EPHA3: variants seen among roughly 807,000 people sequenced by gnomAD.
EPHA3 encodes the protein ephrin type-A receptor 3.
A neutral mutation model predicts 107.1 loss-of-function variants in EPHA3; 42 were observed. The observed-to-expected ratio is 0.39, with a 90% CI of 0.31 to 0.51. EPHA3 has a LOEUF of 0.51. Ranked by LOEUF, EPHA3 falls within the 20% of genes least tolerant of loss-of-function variation. The probability of loss-of-function intolerance (pLI) is 0.78; values close to 1 mark genes in which losing one functional copy is unlikely to be tolerated. For missense variants in EPHA3, 1,183 were observed against 1,211.2 expected (o/e 0.98, Z 0.35); for synonymous variants, 461 against 424.8 (o/e 1.09, Z -1.05).
chr3:89,200,767 C>A (rs1163758534), intron 2 of EPHA3, among the ~76,000 whole-genome samples: 1 of 152,182 alleles, frequency 6.6e-6, no homozygotes, highest in African/African-American at 2.4e-5. Flanking sequence ...GTCCCCATGG[C>A]TGCATGAGTT....
Position 89,171,356 on chromosome 3 carries a change from A to T in EPHA3, c.154-38504A>T, listed in dbSNP as rs1705204832. 3.9e-5 allele frequency among the ~76,000 whole-genome samples: 6 copies of T among 152,328 alleles called. No individual in the cohort carries two copies. In the South Asian group the frequency reaches 1.2e-3, roughly 32 times the overall value. On this transcript the variant is annotated intron_variant, in intron 2 of 16. Coordinates refer to ENST00000336596, the MANE Select transcript of EPHA3 (RefSeq NM_005233.6). ...AACAATAATGTCTCAAATTGATTGA[A>T]TATCACTAATCGGTTCTAAAGAAGG...
chr3:89,341,145 GT>G, intron 4 of EPHA3, 74 bp downstream of exon 4: 2 of 1,470,782 alleles, frequency 1.4e-6, no homozygotes, highest in South Asian at 2.7e-5. Flanking sequence ...GTTTGTTTTT[GT>G]TTTAAAGCAT....
intron 1 of EPHA3, among the ~76,000 whole-genome samples, chr3:89,116,092 G>A (rs1707247284): frequency 6.6e-6 from 1 of 152,096 alleles, no homozygotes; most frequent in South Asian, 2.1e-4. Flanking sequence ...CTAAGTTAAA[G>A]GAATTTGTTG....
intron 2 of EPHA3, among the ~76,000 whole-genome samples, chr3:89,144,822 T>C (rs773362156): frequency 2.0e-4 from 30 of 151,706 alleles, no homozygotes; most frequent in Non-Finnish European, 3.2e-4. Context: ...ATTATTAAAC[T>C]TTGGGTGTTT....
intron 3 of EPHA3, among the ~76,000 whole-genome samples, chr3:89,326,090 T>A (rs1022480663): frequency 4.0e-5 from 6 of 151,178 alleles, no homozygotes; most frequent in African/African-American, 1.5e-4. Context: ...ATTATGATGA[T>A]CATTAATTAT....
At chr3:89,208,353 G>A (rs1439934631) in intron 2 of EPHA3, among the ~76,000 whole-genome samples, 3 of 131,854 alleles carry the variant, frequency 2.3e-5, no homozygotes, top group South Asian at 2.6e-4. Context: ...CTGGGCGACA[G>A]GAGCAAGACT....
rs148582266 is a variant in EPHA3, at chr3:89,303,750, A to C, written c.815-37166A>C. On this transcript the variant is annotated intron_variant, in intron 3 of 16. Coordinates refer to ENST00000336596, the MANE Select transcript of EPHA3 (RefSeq NM_005233.6). ...TAGAATTTTTTAAAATAAAGCAACTATTTTTTATGACATGAAGAAATGGAA... is the reference window on the plus strand; with the variant it reads ...TAGAATTTTTTAAAATAAAGCAACTCTTTTTTATGACATGAAGAAATGGAA... Among the ~76,000 whole-genome samples, 973 of 152,254 alleles carry C rather than the reference A, an allele frequency of 6.4e-3. 11 individuals are homozygous for C. The highest frequency in any genetic ancestry group is 0.023 in the African/African-American group (943 of 41,554).
rs192524279 is a variant in EPHA3, at chr3:89,366,505, C to T, written c.1306+24415C>T. 5.1e-4 allele frequency among the ~76,000 whole-genome samples: 77 copies of T among 150,892 alleles called. 1 individual carries two copies. The East Asian group carries it at 0.014, about 28-fold the overall frequency. On this transcript the variant is annotated intron_variant, in intron 5 of 16. Transcript: ENST00000336596. ...GTTGTACAAAGTAAGCAATTGACCA[C>T]TAAGATCTGATTCTTGAGAAAGATC...
At chr3:89,272,464 G>C (rs975148618) in intron 3 of EPHA3, among the ~76,000 whole-genome samples, 2 of 151,908 alleles carry the variant, frequency 1.3e-5, no homozygotes, top group African/African-American at 4.8e-5. Flanking sequence ...ATGATGCAGT[G>C]TATTTCAACT....
chr3:89,407,702 C>A (rs1404909591), intron 8 of EPHA3, among the ~76,000 whole-genome samples: 1 of 152,048 alleles, frequency 6.6e-6, no homozygotes, highest in Non-Finnish European at 1.5e-5. Flanking sequence ...ACTTTCTCAC[C>A]CAGAACAGGG....
intron 3 of EPHA3, among the ~76,000 whole-genome samples, chr3:89,273,684 A>G (rs146483526): frequency 6.6e-6 from 1 of 152,042 alleles, no homozygotes. Context: ...GCACCTGGTT[A>G]CAACATTGTC....
At chr3:89,324,369 C>G (rs1707117844) in intron 3 of EPHA3, among the ~76,000 whole-genome samples, 1 of 151,760 alleles carries the variant, frequency 6.6e-6, no homozygotes, top group African/African-American at 2.4e-5. Context: ...CGAGGTTTCC[C>G]CATGTTGGCC....
chr3:89,472,201 A>G (rs1453137263), intron 15 of EPHA3, among the ~76,000 whole-genome samples: 2 of 152,214 alleles, frequency 1.3e-5, no homozygotes, highest in Non-Finnish European at 2.9e-5. Flanking sequence ...GTATGGATAT[A>G]TTTATGTCTT....
At chr3:89,430,823 C>A (rs1194408948) in intron 12 of EPHA3, among the ~76,000 whole-genome samples, 3 of 152,122 alleles carry the variant, frequency 2.0e-5, no homozygotes, top group Non-Finnish European at 4.4e-5. Flanking sequence ...CCACAAGATT[C>A]ATTTCACTTT....
chr3:89,115,179 C>T (rs1707222936), intron 1 of EPHA3, among the ~76,000 whole-genome samples: 3 of 152,094 alleles, frequency 2.0e-5, no homozygotes, highest in African/African-American at 7.2e-5. Context: ...AACCCTATCC[C>T]TTTACTATTT....
At chr3:89,171,350 G>T (rs533830143) in intron 2 of EPHA3, among the ~76,000 whole-genome samples, 1 of 152,226 alleles carries the variant, frequency 6.6e-6, no homozygotes, top group South Asian at 2.1e-4. Context: ...GTCTCAAATT[G>T]ATTGAATATC....
chr3:89,437,923 A>G (rs1709706078), intron 13 of EPHA3, among the ~76,000 whole-genome samples: 1 of 151,776 alleles, frequency 6.6e-6, no homozygotes, highest in Admixed American at 6.6e-5. Flanking sequence ...CCATTATTCG[A>G]TTTTTTTCTT....
intron 2 of EPHA3, among the ~76,000 whole-genome samples, chr3:89,178,808 G>T (rs1705374795): frequency 6.6e-6 from 1 of 151,768 alleles, no homozygotes; most frequent in South Asian, 2.1e-4. Flanking sequence ...ATGGGTAAAA[G>T]AAAAGTGTTT....
chr3:89,110,014 C>T (rs994262454), intron 1 of EPHA3, among the ~76,000 whole-genome samples: 3 of 151,856 alleles, frequency 2.0e-5, no homozygotes, highest in Non-Finnish European at 2.9e-5. Flanking sequence ...AGTGAAAATG[C>T]CAAGTATGTG....
Sources: gnomAD v4.1 joint callset for allele counts (sites outside exome capture counted in the v4.1 genomes callset) on GRCh38, gnomAD v4.1.1 for gene constraint, MANE v1.5 for transcripts, NCBI Gene and HGNC (gene_info 2026-07-23, HGNC 2026-07-21) for gene names.